The following SHROOM4 variants were observed in gnomAD, a reference collection of about 807,000 sequenced individuals.
SHROOM4 encodes the protein shroom family member 4.
A neutral mutation model predicts 80.3 loss-of-function variants in SHROOM4; 17 were observed. The ratio of observed to expected loss-of-function variants is 0.21; its 90% CI spans 0.14 to 0.32. The LOEUF (loss-of-function observed/expected upper bound fraction) is 0.32. SHROOM4 is among the 10% of genes least tolerant of loss of function. SHROOM4 has a pLI of 1.00. For synonymous variants in SHROOM4, 400 were observed against 437.5 expected (o/e 0.91, Z 1.07); for missense variants, 993 against 1,140.3 (o/e 0.87, Z 1.86).
chrX:50,589,973 G>C lies in SHROOM4; in HGVS notation c.*6722C>G, dbSNP rs1928834170. On this transcript the variant is annotated 3_prime_UTR_variant, in exon 9 of 9. Coordinates refer to ENST00000376020, the MANE Select transcript of SHROOM4 (RefSeq NM_020717.5). ...TTGGCTTTTTGATATAGCTATTCTA[G>C]TGGGTATGAAGTGGTATCTCATTGT... Among the ~76,000 whole-genome samples, 1 of 111,923 alleles carries C rather than the reference G, an allele frequency of 8.9e-6. No individual in the cohort carries two copies. Among genetic ancestry groups the C allele is most frequent in the African/African-American group, 3.2e-5 (1 of 30,775 alleles).
intron 2 of SHROOM4, among the ~76,000 whole-genome samples, chrX:50,683,453 G>A (rs782136983): frequency 1.8e-5 from 2 of 111,730 alleles, no homozygotes; most frequent in Admixed American, 9.5e-5. Context: ...GTTGCACTGT[G>A]GAGAATAAAT....
chrX:50,717,418 C>T (rs1933991067), intron 1 of SHROOM4, among the ~76,000 whole-genome samples: 1 of 111,793 alleles, frequency 8.9e-6, no homozygotes, highest in South Asian at 3.8e-4. Context: ...GGGGTTTTAC[C>T]ATGTTGGCCA....
chrX:50,715,570 C>T (rs782151294), intron 1 of SHROOM4, among the ~76,000 whole-genome samples: 13 of 111,645 alleles, frequency 1.2e-4, no homozygotes, highest in Middle Eastern at 4.6e-3. Context: ...TGGCAAATGG[C>T]CAGCAGGCAT....
chrX:50,685,147 C>A (rs1933040789), intron 2 of SHROOM4, among the ~76,000 whole-genome samples: 1 of 111,704 alleles, frequency 9.0e-6, no homozygotes, highest in Non-Finnish European at 1.9e-5. Context: ...CTGGCAGTAG[C>A]AGGACGAAGG....
intron 1 of SHROOM4, among the ~76,000 whole-genome samples, chrX:50,744,809 T>C (rs1934741009): frequency 8.9e-6 from 1 of 112,174 alleles, no homozygotes; most frequent in South Asian, 3.7e-4. Context: ...TTGCCTGGAC[T>C]AATTCTCTCT....
chrX:50,659,430 G>C (rs1932420755), intron 2 of SHROOM4, among the ~76,000 whole-genome samples: 1 of 111,521 alleles, frequency 9.0e-6, no homozygotes, highest in African/African-American at 3.3e-5. Context: ...AAATAAGAGG[G>C]AGTATACAGT....
At chrX:50,641,738 G>C (rs1197593844) in intron 2 of SHROOM4, among the ~76,000 whole-genome samples, 6 of 111,636 alleles carry the variant, frequency 5.4e-5, no homozygotes, top group South Asian at 3.8e-4. Context: ...TCAGCCTCCT[G>C]AGTAGCTAGG....
chrX:50,722,534 T>G (rs2147519371), intron 1 of SHROOM4, among the ~76,000 whole-genome samples: 1 of 110,816 alleles, frequency 9.0e-6, no homozygotes, highest in East Asian at 2.8e-4. Context: ...CAAAAGCATT[T>G]AATGGGTAAA....
intron 2 of SHROOM4, among the ~76,000 whole-genome samples, chrX:50,693,125 T>C (rs935459025): frequency 1.2e-4 from 13 of 111,392 alleles, no homozygotes; most frequent in African/African-American, 4.3e-4. Flanking sequence ...GGTGAGATTT[T>C]CCAGGGTACA....
rs782102485 is a variant in SHROOM4 at position 50,632,125 on chromosome X, C to T, written c.2895+1053G>A. On this transcript the variant is annotated intron_variant, in intron 4 of 8. Transcript: ENST00000376020. ...AACATTGTCACCACCCCACAAGTTC[C>T]CTCTGCCCTTTTCCAGTCAATCTCT... Among the ~76,000 whole-genome samples, 12 of 111,442 alleles carry T rather than the reference C, an allele frequency of 1.1e-4. No individual in the cohort carries two copies. The East Asian group carries it at 3.1e-3, about 29-fold the overall frequency.
At chrX:50,734,300 A>G (rs1284030426) in intron 1 of SHROOM4, among the ~76,000 whole-genome samples, 4 of 112,205 alleles carry the variant, frequency 3.6e-5, no homozygotes, top group Non-Finnish European at 5.6e-5. Flanking sequence ...CAGAATTACA[A>G]GGGACCCAGA....
At chrX:50,640,931 GT>G (rs1193949031) in intron 2 of SHROOM4, among the ~76,000 whole-genome samples, 1 of 112,485 alleles carries the variant, frequency 8.9e-6, no homozygotes, top group African/African-American at 3.2e-5. Context: ...GCAGTAAAAT[GT>G]GGATAATAGT....
intron 2 of SHROOM4, among the ~76,000 whole-genome samples, chrX:50,644,499 C>T (rs1557257637): frequency 1.8e-5 from 2 of 111,994 alleles, no homozygotes; most frequent in African/African-American, 6.5e-5. Flanking sequence ...ATTTGTTGCA[C>T]CCCCTAAGCC....
In SHROOM4 at chrX:50,706,435, T is replaced by C. The variant is rs144116275; in HGVS notation, c.118-10498A>G. On this transcript the variant is annotated intron_variant, in intron 1 of 8. Transcript: ENST00000376020. ...AAAATAAATGTCTGTATTGAACACA[T>C]TGTAGTTGCTCAACAAATATTTGTT... Among the ~76,000 whole-genome samples, 935 of 112,103 alleles carry C rather than the reference T, an allele frequency of 8.3e-3. 6 individuals are homozygous for C. Among genetic ancestry groups the C allele is most frequent in the Non-Finnish European group, 0.014 (752 of 53,169 alleles).
intron 1 of SHROOM4, among the ~76,000 whole-genome samples, chrX:50,736,547 T>C (rs782133846): frequency 4.7e-4 from 53 of 112,032 alleles, no homozygotes; most frequent in Non-Finnish European, 8.8e-4. Context: ...CTGAGGATAA[T>C]GGCTTTCAGC....
chrX:50,753,340 G>T (rs17003193), intron 1 of SHROOM4, among the ~76,000 whole-genome samples: 6,285 of 111,914 alleles, frequency 0.056, 440 homozygotes, highest in African/African-American at 0.19. Context: ...ATGTTACATC[G>T]GGTTTTAATC....
At chrX:50,701,123 T>C (rs1933504072) in intron 1 of SHROOM4, among the ~76,000 whole-genome samples, 1 of 111,822 alleles carries the variant, frequency 8.9e-6, no homozygotes, top group Non-Finnish European at 1.9e-5. Flanking sequence ...CACCATCTAG[T>C]TTACTAATCC....
In SHROOM4 at chrX:50,635,605, A is replaced by C; in HGVS notation, c.468T>G (p.Ile156Met). The C allele has an allele frequency of 8.3e-7, 1 of 1,208,762 alleles. No homozygotes were observed. ...GTTGCTCCAGGCTCTCCATGCTGCC[A>C]ATGGAGCTGCTTTTCTCGGTGCTGC... ...RHCSTEKSSS[I>M]GSMESLEQPG... Residue 156 changes from isoleucine (I) to methionine (M), a missense_variant, in exon 4 of 9, where the codon ATT (isoleucine) becomes ATG (methionine). By Grantham distance (10) the Ile-to-Met change is conservative. Coordinates refer to ENST00000376020, the MANE Select transcript of SHROOM4 (RefSeq NM_020717.5).
intron 2 of SHROOM4, among the ~76,000 whole-genome samples, chrX:50,686,252 G>A (rs1933070049): frequency 9.1e-6 from 1 of 110,363 alleles, no homozygotes; most frequent in Non-Finnish European, 1.9e-5. Context: ...AGCCAGGATG[G>A]TCGCGATCTC....
Sources: gnomAD v4.1 joint callset for allele counts (sites outside exome capture counted in the v4.1 genomes callset) on GRCh38, gnomAD v4.1.1 for gene constraint, MANE v1.5 for transcripts, NCBI Gene and HGNC (gene_info 2026-07-23, HGNC 2026-07-21) for gene names.